Variants in RASSF4 observed in about 807,000 individuals in gnomAD.
RASSF4 encodes the protein Ras association domain family member 4.
A neutral mutation model predicts 41.1 loss-of-function variants in RASSF4; 38 were observed. The observed-to-expected ratio is 0.92, with a 90% CI of 0.71 to 1.21. RASSF4 has a LOEUF of 1.21. Ranked by LOEUF, RASSF4 falls within the 50% of genes most tolerant of loss-of-function variation. The pLI is 0.00. For synonymous variants in RASSF4, 179 were observed against 163.4 expected (o/e 1.10, Z -0.73); for missense variants, 414 against 419.4 (o/e 0.99, Z 0.11).
At chr10:44,970,301 C>T in intron 2 of RASSF4, 37 bp downstream of exon 2, 1 of 1,559,870 alleles carries the variant, frequency 6.4e-7, no homozygotes, top group Non-Finnish European at 8.8e-7. Context: ...GGGGAGTCTT[C>T]ACATTTGCCA....
chr10:44,989,547 A>G (rs928327182), intron 7 of RASSF4, 123 bp from the exon 8 acceptor site: 4 of 1,008,036 alleles, frequency 4.0e-6, no homozygotes, highest in Admixed American at 3.5e-5. Flanking sequence ...GGAGGTTGGG[A>G]GAGGACAGGT....
intron 7 of RASSF4, 119 bp from the exon 8 acceptor site, chr10:44,989,551 G>C (rs150518756): frequency 1.5e-5 from 16 of 1,034,532 alleles, no homozygotes; most frequent in Middle Eastern, 2.1e-4. Context: ...GTTGGGAGAG[G>C]ACAGGTTCCT....
At chr10:44,970,602 T>C (rs1841111203) in intron 2 of RASSF4, 1 of 248,672 alleles carries the variant, frequency 4.0e-6, no homozygotes, top group African/African-American at 2.2e-5. Flanking sequence ...AAATGTGTTA[T>C]TAATGCTAAT....
chr10:44,984,277 C>T (rs1166341937), intron 5 of RASSF4, 164 bp downstream of exon 5: 2 of 644,412 alleles, frequency 3.1e-6, no homozygotes, highest in African/African-American at 1.8e-5. Flanking sequence ...AGGTGCTCTG[C>T]CCTCATTCTC....
chr10:44,970,070 C>A, intron 1 of RASSF4, 95 bp from the exon 2 acceptor site: 1 of 755,080 alleles, frequency 1.3e-6, no homozygotes, highest in Non-Finnish European at 2.3e-6. Flanking sequence ...ATGCCAAGGC[C>A]GACGGTGTCT....
intron 1 of RASSF4, among the ~76,000 whole-genome samples, chr10:44,969,104 G>GTT (rs34122459): frequency 0.52 from 78,157 of 149,394 alleles, 23,635 homozygotes; most frequent in Non-Finnish European, 0.68. Context: ...GTATGCGTGT[G>GTT]TTTTTGTGTG....
chr10:44,990,737 T>G, intron 8 of RASSF4: 1 of 467,414 alleles, frequency 2.1e-6, no homozygotes, highest in Non-Finnish European at 3.8e-6. Context: ...GCCGCTCCAC[T>G]TAATCCTTAT....
chr10:44,982,971 G>T, intron 4 of RASSF4: 1 of 642,340 alleles, frequency 1.6e-6, no homozygotes, highest in Non-Finnish European at 3.0e-6. Flanking sequence ...TATGCAAGCC[G>T]AACATGTCTC....
At chr10:44,983,246 G>A (rs538769278) in intron 4 of RASSF4, 106 of 305,698 alleles carry the variant, frequency 3.5e-4, no homozygotes, top group Non-Finnish European at 6.0e-4. Context: ...CTCCTGTAGA[G>A]GGCACACATT....
At position 44,995,646 on chromosome 10, in the gene RASSF4, TGAG is replaced by T. The variant is rs1412030221; in HGVS notation, c.*2321_*2323del. 6.6e-6 allele frequency: 1 copy of T among 152,214 alleles called. No homozygotes were observed. Among genetic ancestry groups the T allele is most frequent in the Non-Finnish European group, 1.5e-5 (1 of 68,028 alleles). The allele number at this position is 152,214 out of a possible 1,614,324, so 9.4% of individuals were successfully genotyped here. ...GAAAAGGTACACTTCTGCAATCAGC[TGAG>T]GAGTTCACACCTTTTTTTCTAAATC... On this transcript the variant is annotated 3_prime_UTR_variant, in exon 11 of 11. Coordinates refer to ENST00000340258, the MANE Select transcript of RASSF4 (RefSeq NM_032023.4).
chr10:44,980,433 G>A (rs1042521838), intron 3 of RASSF4, among the ~76,000 whole-genome samples: 16 of 152,216 alleles, frequency 1.1e-4, no homozygotes, highest in African/African-American at 3.6e-4. Context: ...TTCAGATGCG[G>A]CCAAGCTGGG....
intron 9 of RASSF4, 97 bp from the exon 10 acceptor site, chr10:44,991,808 T>G (rs1177251415): frequency 1.3e-6 from 1 of 762,058 alleles, no homozygotes; most frequent in Non-Finnish European, 2.2e-6. Flanking sequence ...GGATACAAGA[T>G]GTTGGCTGGA....
intron 6 of RASSF4, among the ~76,000 whole-genome samples, chr10:44,986,468 G>T (rs1015708163): frequency 2.0e-5 from 3 of 152,194 alleles, no homozygotes; most frequent in African/African-American, 7.2e-5. Flanking sequence ...AGACAACATG[G>T]GGTCTCAGCC....
At chr10:44,990,825 C>T (rs1588849235) in intron 8 of RASSF4, 123 bp from the exon 9 acceptor site, 11 of 949,006 alleles carry the variant, frequency 1.2e-5, no homozygotes, top group Middle Eastern at 2.3e-4. Context: ...GCGCTGTTAG[C>T]GAGGTCTGTG....
At chr10:44,982,903 C>G (rs1326171122) in intron 4 of RASSF4, 1 of 697,900 alleles carries the variant, frequency 1.4e-6, no homozygotes, top group Admixed American at 2.1e-5. Flanking sequence ...TCAAACCTTC[C>G]TGCAAGCCAC....
chr10:44,991,615 C>A (rs74128124), intron 9 of RASSF4, among the ~76,000 whole-genome samples: 3,002 of 152,318 alleles, frequency 0.02, 95 homozygotes, highest in African/African-American at 0.068. Flanking sequence ...CTCCCTACCC[C>A]CTAGCCCAGA....
intron 1 of RASSF4, among the ~76,000 whole-genome samples, chr10:44,966,688 T>G (rs965410505): frequency 6.6e-6 from 1 of 152,166 alleles, no homozygotes; most frequent in African/African-American, 2.4e-5. Context: ...CCTGTGGGTG[T>G]GTAATTTAGC....
chr10:44,982,789 A>T (rs1227766698), intron 4 of RASSF4, 126 bp downstream of exon 4: 3 of 1,053,796 alleles, frequency 2.8e-6, no homozygotes, highest in Non-Finnish European at 4.2e-6. Flanking sequence ...ACCCAGCCTC[A>T]TCCCCATGCC....
chr10:44,990,089 G>T (rs1414913227), intron 8 of RASSF4, among the ~76,000 whole-genome samples: 1 of 152,206 alleles, frequency 6.6e-6, no homozygotes, highest in African/African-American at 2.4e-5. Context: ...TGGATGGGTG[G>T]GTACCTAGCT....
Sources: allele counts gnomAD v4.1 joint callset (sites outside exome capture counted in the v4.1 genomes callset), GRCh38; gene constraint gnomAD v4.1.1; transcripts MANE v1.5; gene names NCBI Gene and HGNC (gene_info 2026-07-23, HGNC 2026-07-21).